PXDN: variants seen among roughly 807,000 people sequenced by gnomAD.
PXDN encodes the protein peroxidasin, also known as peroxidasin homolog.
A neutral mutation model predicts 140.3 loss-of-function variants in PXDN; 77 were observed. The observed-to-expected ratio is 0.55, with a 90% CI of 0.46 to 0.66. The LOEUF is 0.66. PXDN is among the 30% of genes least tolerant of loss of function. The pLI is 0.00. For synonymous variants in PXDN, 911 were observed against 857.4 expected (o/e 1.06, Z -1.09); for missense variants, 1,838 against 2,039.5 (o/e 0.90, Z 1.90).
chr2:1,672,460 T>G (rs1298466437), intron 9 of PXDN, among the ~76,000 whole-genome samples: 1 of 152,234 alleles, frequency 6.6e-6, no homozygotes, highest in East Asian at 1.9e-4. Context: ...TTTAATTCCT[T>G]AAAAATACAG....
At position 1,651,774 on chromosome 2, in the gene PXDN, G is replaced by A. The variant is rs911034870; in HGVS notation, c.2104+1854C>T. Among the ~76,000 whole-genome samples the A allele has an allele frequency of 4.6e-5, 7 of 152,276 alleles. No homozygotes were observed. The highest frequency in any genetic ancestry group is 1.9e-4 in the East Asian group (1 of 5,174). ...CCAGCCAGGGCACCACCCACCTCCCGCCTGCTGTTTCTCTCTGGGTCACTC... is the reference window on the plus strand; with the variant it reads ...CCAGCCAGGGCACCACCCACCTCCCACCTGCTGTTTCTCTCTGGGTCACTC... On this transcript the variant is annotated intron_variant, in intron 16 of 22. Transcript: ENST00000252804. The surrounding 1 kb of genome is among the most constrained non-coding windows in gnomAD (Gnocchi z 4.4).
At position 1,685,199 on chromosome 2, in the gene PXDN, T is replaced by C. The variant is rs145537339; in HGVS notation, c.417-1048A>G. On this transcript the variant is annotated intron_variant, in intron 4 of 22. Coordinates refer to ENST00000252804, the MANE Select transcript of PXDN (RefSeq NM_012293.3). This position sits in a 1 kb window ranked among gnomAD's most constrained non-coding sequence, Gnocchi z 5.1. ...GCCACACTGAGTCTCTGCGGACACC[T>C]GCAGCCGGAGGGCCCCCAAACGCAG... is the stretch of plus-strand genomic sequence containing the variant. Among the ~76,000 whole-genome samples the C allele has an allele frequency of 1.9e-4, 29 of 152,312 alleles. 1 individual carries two copies. In the East Asian group the frequency reaches 5.4e-3, roughly 28 times the overall value.
At position 1,714,130 on chromosome 2, in the gene PXDN, C is replaced by T. The variant is rs1210304809; in HGVS notation, c.201-20996G>A. Reference sequence around the variant, plus strand: ...CCGTCACCTTTGGTGACTTCCCCGCCACAACACCCATCCACATCCAGGATA... The same window carrying T: ...CCGTCACCTTTGGTGACTTCCCCGCTACAACACCCATCCACATCCAGGATA... On this transcript the variant is annotated intron_variant, in intron 1 of 22. Transcript: ENST00000252804. This position sits in a 1 kb window ranked among gnomAD's most constrained non-coding sequence, Gnocchi z 4.3. Among the ~76,000 whole-genome samples, 3 of 152,240 alleles carry T rather than the reference C, an allele frequency of 2.0e-5. No individual in the cohort carries two copies. The East Asian group carries it at 5.8e-4, about 29-fold the overall frequency.
intron 1 of PXDN, among the ~76,000 whole-genome samples, chr2:1,719,860 GT>G (rs1684978309): frequency 6.7e-6 from 1 of 149,870 alleles, no homozygotes; most frequent in African/African-American, 2.5e-5. Context: ...GTGTGTGTGT[GT>G]GTGTGTGTGT....
At position 1,662,122 on chromosome 2, in the gene PXDN, G is replaced by A; in HGVS notation, c.1630C>T (p.Leu544Phe). 1 of 1,598,476 alleles carries A rather than the reference G, an allele frequency of 6.3e-7. No homozygotes were observed. The highest frequency in any genetic ancestry group is 8.5e-7 in the Non-Finnish European group (1 of 1,172,964). The part of the protein sequence containing the change: ...TTVEVGANVQ[L>F]PCSSQGEPEP... ...GGCTCGCCCTGGGAGCTGCACGGGAGCTGCACATTGGCGCCCACCTCCACT... is the reference window on the plus strand; with the variant it reads ...GGCTCGCCCTGGGAGCTGCACGGGAACTGCACATTGGCGCCCACCTCCACT... Residue 544 changes from leucine to phenylalanine, a missense_variant, in exon 13 of 23, where the codon CTC becomes TTC. Leu to Phe is a conservative substitution (Grantham distance 22). This residue lies in a region of PXDN where 537 missense variants were observed against 583.9 expected (regional missense o/e 0.92). Transcript: ENST00000252804.
In PXDN at chr2:1,710,569, ACCCTC is replaced by A. The variant is rs1480098538; in HGVS notation, c.201-17440_201-17436del. Among the ~76,000 whole-genome samples, 156 of 130,372 alleles carry A rather than the reference ACCCTC, an allele frequency of 1.2e-3. 1 individual carries two copies. Among genetic ancestry groups the A allele is most frequent in the African/African-American group, 4.4e-3 (141 of 32,120 alleles). The allele number at this position is 130,372 out of a possible 152,430, so 85.5% of individuals were successfully genotyped here. On this transcript the variant is annotated intron_variant, in intron 1 of 22. Transcript: ENST00000252804. Reference sequence around the variant, plus strand: ...CCACCAGCACCCACTCTCCACCAGCACCCTCTCCACTAGCACCCTCTCCACCAGCA... The same window carrying A: ...CCACCAGCACCCACTCTCCACCAGCATCCACTAGCACCCTCTCCACCAGCA...
intron 1 of PXDN, among the ~76,000 whole-genome samples, chr2:1,723,287 G>C (rs1485134111): frequency 6.6e-6 from 1 of 152,186 alleles, no homozygotes; most frequent in Non-Finnish European, 1.5e-5. Context: ...AAAGGTGAAT[G>C]AATGAATGCA....
At chr2:1,691,801 C>G in intron 3 of PXDN, 127 bp downstream of exon 3, 1 of 625,016 alleles carries the variant, frequency 1.6e-6, no homozygotes, top group Non-Finnish European at 2.7e-6. Flanking sequence ...TACTCACCTT[C>G]TCAAAATAAA....
chr2:1,692,872 G>A (rs560333003), intron 2 of PXDN, among the ~76,000 whole-genome samples, 191 bp downstream of exon 2: 143 of 152,322 alleles, frequency 9.4e-4, no homozygotes, highest in Admixed American at 3.3e-3. Flanking sequence ...ACAGCCATGA[G>A]ACGAGAAACA....
In PXDN at chr2:1,691,861, T is replaced by A. The variant is rs2125450064; in HGVS notation, c.344+67A>T. 1.9e-5 allele frequency: 19 copies of A among 1,023,294 alleles called. No individual in the cohort carries two copies. In the South Asian group the frequency reaches 2.8e-4, roughly 15 times the overall value. The allele number at this position is 1,023,294 out of a possible 1,614,324, so 63.4% of individuals were successfully genotyped here. A position where few individuals can be genotyped will look rare whatever the true frequency, so the allele number is the denominator to read the frequency against. On this transcript the variant is annotated intron_variant, in intron 3 of 22. Coordinates refer to ENST00000252804, the MANE Select transcript of PXDN (RefSeq NM_012293.3). The stretch of plus-strand genomic sequence containing the variant: ...CAATAATTCATAAGCAGCACGAAAT[T>A]TAGCTCTATTTTTAAGTAATCTAGA...
intron 1 of PXDN, among the ~76,000 whole-genome samples, chr2:1,710,733 TCCACCAGCACCCACTCC>T: frequency 9.9e-6 from 1 of 101,236 alleles, no homozygotes; most frequent in African/African-American, 3.6e-5. Context: ...CAGCACCCTC[TCCACCAGCACCCACTCC>T]ACCAGCACCC....
intron 19 of PXDN, among the ~76,000 whole-genome samples, chr2:1,641,129 G>A (rs1446253540): frequency 1.3e-5 from 2 of 152,224 alleles, no homozygotes; most frequent in Non-Finnish European, 2.9e-5. Flanking sequence ...GTAGCTCAAG[G>A]ACGTTCGCTT....
intron 1 of PXDN, among the ~76,000 whole-genome samples, chr2:1,731,139 T>TGA (rs1328585332): frequency 3.3e-5 from 3 of 90,238 alleles, no homozygotes; most frequent in African/African-American, 8.1e-5. Context: ...AGAACACTGT[T>TGA]GAGAGCGCGC....
At chr2:1,646,196 T>C (rs1682846958) in intron 17 of PXDN, 1 of 152,244 alleles carries the variant, frequency 6.6e-6, no homozygotes, top group Non-Finnish European at 1.5e-5. Context: ...TCATTTCCCC[T>C]TAGTCAGCAA....
intron 9 of PXDN, among the ~76,000 whole-genome samples, chr2:1,673,331 TG>T (rs888973126): frequency 6.6e-6 from 1 of 151,002 alleles, no homozygotes; most frequent in African/African-American, 2.4e-5. Context: ...AGATGGCGCC[TG>T]GGGGGTGGGG....
intron 6 of PXDN, among the ~76,000 whole-genome samples, chr2:1,680,655 G>A (rs1013227812): frequency 2.6e-5 from 4 of 152,208 alleles, no homozygotes; most frequent in African/African-American, 9.7e-5. Flanking sequence ...GGCATCGGGT[G>A]TCGAGCTCAA....
intron 1 of PXDN, among the ~76,000 whole-genome samples, chr2:1,723,258 T>C (rs1572194635): frequency 6.6e-6 from 1 of 152,094 alleles, no homozygotes; most frequent in South Asian, 2.1e-4. Flanking sequence ...AATGAACAGA[T>C]AGATGGACTA....
intron 1 of PXDN, among the ~76,000 whole-genome samples, chr2:1,716,747 G>C (rs1684906058): frequency 6.6e-6 from 1 of 152,112 alleles, no homozygotes; most frequent in African/African-American, 2.4e-5. Flanking sequence ...CGCCCTCCCA[G>C]CCCCTTCTCC....
chr2:1,667,267 C>T (rs181010388), intron 9 of PXDN, among the ~76,000 whole-genome samples: 128 of 152,138 alleles, frequency 8.4e-4, no homozygotes, highest in Non-Finnish European at 2.9e-4. Flanking sequence ...TTTTGTTAAT[C>T]GGTTTGACAA....
Sources: gnomAD v4.1 joint callset for allele counts (sites outside exome capture counted in the v4.1 genomes callset) on GRCh38, gnomAD v4.1.1 for gene constraint, gnomAD v4.1.1 regional missense constraint, Gnocchi (gnomAD v3.1) non-coding constraint, MANE v1.5 for transcripts, NCBI Gene and HGNC (gene_info 2026-07-23, HGNC 2026-07-21) for gene names.